Variants in STAU2 observed in about 807,000 individuals in gnomAD.
The protein encoded by STAU2 is double-stranded RNA-binding protein Staufen homolog 2.
STAU2 carries 20 observed loss-of-function variants against 65.9 expected under a neutral mutation model. That is an observed-to-expected ratio of 0.30 (90% confidence interval 0.21 to 0.44). The LOEUF is 0.44. STAU2 is among the 20% of genes least tolerant of loss of function. The pLI is 1.00. For missense variants in STAU2, 558 were observed against 683.9 expected, an observed-to-expected ratio of 0.82 and a Z score of 2.05; for synonymous variants, 232 against 233.9, an observed-to-expected ratio of 0.99 and a Z score of 0.07.
intron 13 of STAU2, among the ~76,000 whole-genome samples, chr8:73,437,880 C>A (rs1442758368): frequency 6.6e-6 from 1 of 151,848 alleles, no homozygotes; most frequent in Non-Finnish European, 1.5e-5. Flanking sequence ...GGCCACCTCC[C>A]ACCTACACCC....
At chr8:73,572,107 G>T (rs1197147870) in intron 12 of STAU2, among the ~76,000 whole-genome samples, 1 of 152,158 alleles carries the variant, frequency 6.6e-6, no homozygotes, top group Admixed American at 6.5e-5. Flanking sequence ...TACCATCAGA[G>T]AATACTATAA....
At chr8:73,430,624 T>C (rs1205177739) in intron 13 of STAU2, among the ~76,000 whole-genome samples, 2 of 152,220 alleles carry the variant, frequency 1.3e-5, no homozygotes, top group East Asian at 3.8e-4. Context: ...GCTTTTGCTA[T>C]CAGATTGATG....
chr8:73,437,858 G>T (rs75222207), intron 13 of STAU2, among the ~76,000 whole-genome samples: 1 of 151,708 alleles, frequency 6.6e-6, no homozygotes, highest in Non-Finnish European at 1.5e-5. Context: ...TGGCCTCTTC[G>T]CAGCAGGATC....
At chr8:73,583,852 A>G (rs1810173327) in intron 11 of STAU2, among the ~76,000 whole-genome samples, 1 of 152,182 alleles carries the variant, frequency 6.6e-6, no homozygotes, top group African/African-American at 2.4e-5. Context: ...TAAGTATTCA[A>G]ATCAAATTAA....
At position 73,646,935 on chromosome 8, in the gene STAU2, C is replaced by CCACACACA. The variant is rs1365707962; in HGVS notation, c.410+26171_410+26172insTGTGTGTG. Reference sequence around the variant, plus strand: ...GAGATATTTCACCAAAGACACACAGCCAGACACACACACACACACACACAC... The same window carrying CCACACACA: ...GAGATATTTCACCAAAGACACACAGCCACACACACAGACACACACACACACACACACAC... On this transcript the variant is annotated intron_variant, in intron 6 of 14. Transcript: ENST00000524300. Among the ~76,000 whole-genome samples the CCACACACA allele has an allele frequency of 2.5e-3, 226 of 89,360 alleles. 2 individuals are homozygous for CCACACACA. Among genetic ancestry groups the CCACACACA allele is most frequent in the African/African-American group, 9.4e-3 (220 of 23,420 alleles). The allele number at this position is 89,360 out of a possible 152,430, so 58.6% of individuals were successfully genotyped here.
intron 8 of STAU2, 56 bp from the exon 9 acceptor site, chr8:73,614,012 A>C: frequency 7.3e-7 from 1 of 1,378,098 alleles, no homozygotes; most frequent in Admixed American, 2.5e-5. Flanking sequence ...ATGTATTCTT[A>C]AAGTATGACT....
intron 1 of STAU2, among the ~76,000 whole-genome samples, chr8:73,744,519 G>A (rs1807139588): frequency 6.7e-6 from 1 of 149,028 alleles, no homozygotes. Context: ...ATATCTTCTA[G>A]AACCTAAACA....
chr8:73,432,351 G>T (rs1341632399), intron 13 of STAU2, among the ~76,000 whole-genome samples: 1 of 152,182 alleles, frequency 6.6e-6, no homozygotes, highest in Admixed American at 6.5e-5. Context: ...CTGCAGTTGA[G>T]TATTCTCCTA....
intron 3 of STAU2, among the ~76,000 whole-genome samples, chr8:73,734,132 A>G (rs1019878197): frequency 1.3e-5 from 2 of 151,850 alleles, no homozygotes; most frequent in African/African-American, 4.8e-5. Context: ...ACCTGCATAG[A>G]AAAAAAATCT....
chr8:73,642,023 T>G (rs1815016704), intron 6 of STAU2, among the ~76,000 whole-genome samples: 1 of 152,216 alleles, frequency 6.6e-6, no homozygotes, highest in African/African-American at 2.4e-5. Flanking sequence ...TTCTCTAACT[T>G]TCTAGACTTA....
chr8:73,557,114 A>G (rs1185011949), intron 12 of STAU2, among the ~76,000 whole-genome samples: 1 of 152,224 alleles, frequency 6.6e-6, no homozygotes, highest in East Asian at 1.9e-4. Context: ...CAGTATTGTT[A>G]TTATACAGGA....
At chr8:73,695,549 G>A (rs1277909306) in intron 4 of STAU2, among the ~76,000 whole-genome samples, 2 of 152,170 alleles carry the variant, frequency 1.3e-5, no homozygotes, top group Non-Finnish European at 2.9e-5. Context: ...GGTGGCTATT[G>A]TGAAAGACTC....
At chr8:73,733,454 C>T (rs934341171) in intron 3 of STAU2, among the ~76,000 whole-genome samples, 5 of 152,076 alleles carry the variant, frequency 3.3e-5, no homozygotes, top group Non-Finnish European at 7.4e-5. Context: ...TTCCTTTTCC[C>T]GGGGGACCTA....
intron 12 of STAU2, among the ~76,000 whole-genome samples, chr8:73,556,744 CA>C (rs1321427676): frequency 2.0e-5 from 3 of 151,062 alleles, no homozygotes; most frequent in Admixed American, 6.6e-5. Context: ...GCAACTGTCT[CA>C]AAAAAAAATC....
intron 9 of STAU2, 85 bp downstream of exon 9, chr8:73,613,659 A>G: frequency 2.0e-6 from 2 of 1,011,202 alleles, no homozygotes; most frequent in East Asian, 5.2e-5. Flanking sequence ...AAGTTCAGGG[A>G]TCTGCCTTAT....
At chr8:73,672,745 GA>G (rs1214397575) in intron 6 of STAU2, among the ~76,000 whole-genome samples, 6 of 151,478 alleles carry the variant, frequency 4.0e-5, no homozygotes, top group South Asian at 2.1e-4. Context: ...GACAAATCAA[GA>G]AAAAAACTGA....
chr8:73,509,353 A>G (rs1769073569), intron 13 of STAU2, among the ~76,000 whole-genome samples: 1 of 152,196 alleles, frequency 6.6e-6, no homozygotes, highest in Admixed American at 6.5e-5. Context: ...TCTTCTAATT[A>G]TTGAGATATA....
chr8:73,597,968 T>C (rs990036422), intron 10 of STAU2, among the ~76,000 whole-genome samples: 1 of 152,172 alleles, frequency 6.6e-6, no homozygotes, highest in Non-Finnish European at 1.5e-5. Context: ...AGTCCCCAAT[T>C]ATTTTATGAG....
chr8:73,441,102 G>A (rs1818098597), intron 13 of STAU2: 6 of 152,288 alleles, frequency 3.9e-5, no homozygotes, highest in Admixed American at 3.9e-4. Flanking sequence ...TAAAGGAGTT[G>A]AACCACCCCA....
Sources: allele counts gnomAD v4.1 joint callset (sites outside exome capture counted in the v4.1 genomes callset), GRCh38; gene constraint gnomAD v4.1.1; transcripts MANE v1.5; gene names NCBI Gene and HGNC (gene_info 2026-07-23, HGNC 2026-07-21).